STX7: variants seen among roughly 807,000 people sequenced by gnomAD.
STX7 encodes the protein syntaxin-7.
In STX7, 34 loss-of-function variants were observed where a neutral mutation model predicts 39.6. That is an observed-to-expected ratio of 0.86 (90% CI 0.65 to 1.14). STX7 has a LOEUF of 1.14. STX7 is among the 50% of genes most tolerant of loss of function. The pLI is 0.00. For missense variants in STX7, 284 were observed against 310.4 expected (o/e 0.92, Z 0.64); for synonymous variants, 119 against 99.1 (o/e 1.20, Z -1.19).
chr6:132,473,520 G>GTT (rs398066285), intron 3 of STX7, among the ~76,000 whole-genome samples: 50 of 136,268 alleles, frequency 3.7e-4, no homozygotes, highest in South Asian at 9.1e-4. Flanking sequence ...TTATTGTGTT[G>GTT]TTTTTTTTTT....
rs1274048567 is a variant in STX7 at position 132,448,138 on chromosome 6, C to T, written c.*12620G>A. ...GTATCAGGATCTTGGAGCACTCACA[C>T]TAACTTCTAAGTGCTCCCGGACACT... On this transcript the variant is annotated 3_prime_UTR_variant, in exon 10 of 10. Transcript: ENST00000367941. 4 of 152,168 alleles carry T rather than the reference C, an allele frequency of 2.6e-5. No individual in the cohort carries two copies. Among genetic ancestry groups the T allele is most frequent in the African/African-American group, 4.8e-5 (2 of 41,414 alleles). 9.4% of individuals were successfully genotyped at this position (152,168 alleles called of 1,614,324 possible).
chr6:132,502,214 A>C (rs765561182), intron 2 of STX7, among the ~76,000 whole-genome samples: 4 of 152,200 alleles, frequency 2.6e-5, no homozygotes, highest in Non-Finnish European at 4.4e-5. Context: ...CAGGTAGAGG[A>C]ACAGCTGTTG....
At chr6:132,466,074 C>G (rs1391307474) in intron 8 of STX7, among the ~76,000 whole-genome samples, 1 of 152,350 alleles carries the variant, frequency 6.6e-6, no homozygotes, top group East Asian at 1.9e-4. Context: ...GTTATCTATA[C>G]TTGGTATCCA....
At chr6:132,469,368 C>G (rs1453601613) in intron 7 of STX7, among the ~76,000 whole-genome samples, 1 of 152,124 alleles carries the variant, frequency 6.6e-6, no homozygotes, top group Non-Finnish European at 1.5e-5. Context: ...GGTATTTTCT[C>G]AATACTAAGG....
chr6:132,456,177 C>G lies in STX7; in HGVS notation c.*4581G>C, dbSNP rs1774238538. ...GAGCCATTACACACAGATCATCACT[C>G]AAATCAGTAGTTTCTCTTTAGAAAA... is the stretch of plus-strand genomic sequence containing the variant. On this transcript the variant is annotated 3_prime_UTR_variant, in exon 10 of 10. Transcript: ENST00000367941. The G allele has an allele frequency of 6.6e-6, 1 of 152,034 alleles. No homozygotes were observed. Among genetic ancestry groups the G allele is most frequent in the Non-Finnish European group, 1.5e-5 (1 of 68,004 alleles). The allele number at this position is 152,034 out of a possible 1,614,324, so 9.4% of individuals were successfully genotyped here.
intron 2 of STX7, among the ~76,000 whole-genome samples, chr6:132,496,610 T>C (rs1054047159): frequency 3.3e-5 from 5 of 152,168 alleles, no homozygotes; most frequent in Non-Finnish European, 5.9e-5. Context: ...AATAATCTTG[T>C]ACCTGTTAGA....
intron 2 of STX7, among the ~76,000 whole-genome samples, chr6:132,490,545 T>C (rs557247578): frequency 3.9e-5 from 6 of 152,032 alleles, no homozygotes; most frequent in Non-Finnish European, 8.8e-5. Flanking sequence ...ACAAAATGTG[T>C]AAATATGACC....
intron 3 of STX7, 104 bp downstream of exon 3, chr6:132,475,489 A>AT (rs1774850589): frequency 5.9e-6 from 4 of 672,716 alleles, no homozygotes; most frequent in South Asian, 6.6e-5. Flanking sequence ...TTGTTTTTCC[A>AT]TTTTTTCTTC....
chr6:132,476,809 A>T (rs1197762471), intron 2 of STX7, among the ~76,000 whole-genome samples: 1 of 152,158 alleles, frequency 6.6e-6, no homozygotes, highest in Non-Finnish European at 1.5e-5. Context: ...AAAAGGCTCT[A>T]CACAAAAGGG....
chr6:132,490,643 A>C (rs997219848), intron 2 of STX7, among the ~76,000 whole-genome samples: 2 of 152,182 alleles, frequency 1.3e-5, no homozygotes, highest in African/African-American at 4.8e-5. Context: ...GCGGAGAATA[A>C]CCGGGGTTGC....
chr6:132,447,807 G>C lies in STX7; in HGVS notation c.*12951C>G, dbSNP rs2114310243. ...CTGTCTTTTGTAAACTGTATATATTGAACAAGGTAGACTTTTTTTTTTATT... is the reference window on the plus strand; with the variant it reads ...CTGTCTTTTGTAAACTGTATATATTCAACAAGGTAGACTTTTTTTTTTATT... On this transcript the variant is annotated 3_prime_UTR_variant, in exon 10 of 10. Coordinates refer to ENST00000367941, the MANE Select transcript of STX7 (RefSeq NM_003569.3). The C allele has an allele frequency of 6.6e-6, 1 of 151,790 alleles. No individual in the cohort carries two copies. Among genetic ancestry groups the C allele is most frequent in the South Asian group, 2.1e-4 (1 of 4,804 alleles). The allele number at this position is 151,790 out of a possible 1,614,324, so 9.4% of individuals were successfully genotyped here. A position where few individuals can be genotyped will look rare whatever the true frequency, so the allele number is the denominator to read the frequency against.
At position 132,448,815 on chromosome 6, in the gene STX7, G is replaced by C. The variant is rs1774077130; in HGVS notation, c.*11943C>G. 7.2e-6 allele frequency: 1 copy of C among 137,956 alleles called. No homozygotes were observed. Among genetic ancestry groups the C allele is most frequent in the Non-Finnish European group, 1.5e-5 (1 of 65,230 alleles). The allele number at this position is 137,956 out of a possible 1,614,324, so 8.5% of individuals were successfully genotyped here. A position where few individuals can be genotyped will look rare whatever the true frequency, so the allele number is the denominator to read the frequency against. On this transcript the variant is annotated 3_prime_UTR_variant, in exon 10 of 10. Coordinates refer to ENST00000367941, the MANE Select transcript of STX7 (RefSeq NM_003569.3). ...ATCACACCACTGCACTCCATCATGG[G>C]TGACAGAGCAAGACTCTGTCTCAAA...
At chr6:132,476,812 CA>C (rs1774888119) in intron 2 of STX7, among the ~76,000 whole-genome samples, 1 of 151,952 alleles carries the variant, frequency 6.6e-6, no homozygotes, top group Non-Finnish European at 1.5e-5. Context: ...AGGCTCTACA[CA>C]AAAGGGGAGG....
At chr6:132,470,311 C>G (rs1490496320) in intron 6 of STX7, among the ~76,000 whole-genome samples, 1 of 152,000 alleles carries the variant, frequency 6.6e-6, no homozygotes, top group Non-Finnish European at 1.5e-5. Context: ...TATTTCTTCT[C>G]AGCTGATTTA....
At chr6:132,490,386 T>A (rs1775248889) in intron 2 of STX7, among the ~76,000 whole-genome samples, 1 of 152,220 alleles carries the variant, frequency 6.6e-6, no homozygotes, top group Non-Finnish European at 1.5e-5. Context: ...CAGCTGTTTC[T>A]AAAACACTGA....
At chr6:132,507,862 T>C (rs1173632155) in intron 1 of STX7, among the ~76,000 whole-genome samples, 1 of 152,238 alleles carries the variant, frequency 6.6e-6, no homozygotes, top group Non-Finnish European at 1.5e-5. Context: ...CTCCTCCATA[T>C]ACATGGTTCC....
chr6:132,458,828 C>T lies in STX7; in HGVS notation c.*1930G>A, dbSNP rs1279065726. ...TTCCTGTTTAAACCACTGATAACTG[C>T]CCCAGTTAAAATAATAATAATTTAA... is the stretch of plus-strand genomic sequence containing the variant. On this transcript the variant is annotated 3_prime_UTR_variant, in exon 10 of 10. Transcript: ENST00000367941. 1 of 152,076 alleles carries T rather than the reference C, an allele frequency of 6.6e-6. No individual in the cohort carries two copies. Among genetic ancestry groups the T allele is most frequent in the Non-Finnish European group, 1.5e-5 (1 of 68,022 alleles). 9.4% of individuals were successfully genotyped at this position (152,076 alleles called of 1,614,324 possible). A position where few individuals can be genotyped will look rare whatever the true frequency, so the allele number is the denominator to read the frequency against.
chr6:132,503,373 C>G, intron 2 of STX7, 73 bp downstream of exon 2: 4 of 1,307,724 alleles, frequency 3.1e-6, no homozygotes, highest in Non-Finnish European at 4.4e-6. Context: ...GCAGAGTTGT[C>G]CTTTTATGAA....
At chr6:132,478,965 T>A (rs747706745) in intron 2 of STX7, among the ~76,000 whole-genome samples, 1 of 152,208 alleles carries the variant, frequency 6.6e-6, no homozygotes, top group African/African-American at 2.4e-5. Context: ...ATTAGTCCAA[T>A]ACACTGGTTA....
Sources: gnomAD v4.1 joint callset for allele counts (sites outside exome capture counted in the v4.1 genomes callset) on GRCh38, gnomAD v4.1.1 for gene constraint, MANE v1.5 for transcripts, NCBI Gene and HGNC (gene_info 2026-07-23, HGNC 2026-07-21) for gene names.